Variants in LEO1 observed in about 807,000 individuals in gnomAD.
LEO1 encodes RNA polymerase-associated protein LEO1.
In LEO1, 34 loss-of-function variants were observed where a neutral mutation model predicts 80.4. The ratio of observed to expected loss-of-function variants is 0.42; its 90% confidence interval spans 0.32 to 0.56. The LOEUF is 0.56. LEO1 is among the 20% of genes least tolerant of loss of function. The pLI is 0.10. For synonymous variants in LEO1, 262 were observed against 274.9 expected (o/e 0.95, Z 0.46); for missense variants, 631 against 814.2 (o/e 0.77, Z 2.74).
intron 11 of LEO1, among the ~76,000 whole-genome samples, chr15:51,939,977 C>T (rs1437467111): frequency 4.6e-5 from 7 of 152,138 alleles, no homozygotes; most frequent in South Asian, 4.1e-4. Context: ...AAGGACCGGC[C>T]GGGCGCGATG....
intron 10 of LEO1, 119 bp downstream of exon 10, chr15:51,949,689 G>C (rs1246157219): frequency 3.5e-6 from 3 of 846,822 alleles, no homozygotes; most frequent in South Asian, 1.7e-5. Flanking sequence ...GACAGAGCGA[G>C]ACTCCGTCTC....
rs753047803 is a variant in LEO1 at position 51,938,158 on chromosome 15, AATC to A, written c.1996_1998del (p.Asp666del). 13 of 1,511,018 alleles carry A rather than the reference AATC, an allele frequency of 8.6e-6. No individual in the cohort carries two copies. The highest frequency in any genetic ancestry group is 5.1e-5 in the Admixed American group (3 of 59,026). The allele number at this position is 1,511,018 out of a possible 1,614,324, so 93.6% of individuals were successfully genotyped here. ...AAAATGTTTTCATATTTCATACTTC[AATC>A]ATCATCTTCTTCCTCTTCATCGCTG... is the stretch of plus-strand genomic sequence containing the variant. On this transcript the variant is annotated inframe_deletion, in exon 12 of 12. Transcript: ENST00000299601.
At chr15:51,960,586 C>T (rs983712705) in intron 4 of LEO1, 53 bp downstream of exon 4, 1 of 1,003,332 alleles carries the variant, frequency 1.0e-6, no homozygotes, top group Non-Finnish European at 1.6e-6. Flanking sequence ...GACTCTTCAC[C>T]TTTGAAACTT....
intron 10 of LEO1, among the ~76,000 whole-genome samples, chr15:51,949,445 A>C (rs1249677499): frequency 6.6e-6 from 1 of 152,190 alleles, no homozygotes; most frequent in African/African-American, 2.4e-5. Flanking sequence ...CATGCCTGTA[A>C]TCCCAGTACT....
chr15:51,954,360 C>G (rs2056971941), intron 7 of LEO1, 121 bp downstream of exon 7: 1 of 653,738 alleles, frequency 1.5e-6, no homozygotes, highest in Non-Finnish European at 2.7e-6. Flanking sequence ...CCAACATGGG[C>G]AACAGAGTGA....
At chr15:51,941,071 T>TCAAACAAA (rs1197366480) in intron 11 of LEO1, among the ~76,000 whole-genome samples, 1 of 139,298 alleles carries the variant, frequency 7.2e-6, no homozygotes, top group Non-Finnish European at 1.6e-5. Context: ...AGACTCCATC[T>TCAAACAAA]CAAACAAACA....
chr15:51,971,716 G>T lies in LEO1; in HGVS notation c.30C>A (p.Ser10Arg), dbSNP rs372215852. 9.3e-6 allele frequency: 15 copies of T among 1,613,992 alleles called. No individual in the cohort carries two copies. Among genetic ancestry groups the T allele is most frequent in the Non-Finnish European group, 1.3e-5 (15 of 1,180,028 alleles). Reference sequence around the variant, plus strand: ...TACGCTCAGCTTCGCTGTCGGCGTCGCTCCCGAAGAGATCCTCCATATCCG... The same window carrying T: ...TACGCTCAGCTTCGCTGTCGGCGTCTCTCCCGAAGAGATCCTCCATATCCG... MADMEDLFG[S>R]DADSEAERKD... Residue 10 changes from serine to arginine, a missense_variant, in exon 1 of 12, where the codon AGC becomes AGA. Around this residue, in one of 4 missense-constraint regions of LEO1, gnomAD observed 394 missense variants for 395.6 expected, o/e 1.00. Transcript: ENST00000299601.
At chr15:51,960,834 C>G (rs1040215833) in intron 3 of LEO1, 101 bp from the exon 4 acceptor site, 1 of 697,186 alleles carries the variant, frequency 1.4e-6, no homozygotes, top group Non-Finnish European at 2.5e-6. Flanking sequence ...GGACCAGCAT[C>G]AGAAAACCAC....
chr15:51,970,308 C>A (rs531164279), intron 1 of LEO1, among the ~76,000 whole-genome samples: 1 of 152,256 alleles, frequency 6.6e-6, no homozygotes, highest in African/African-American at 2.4e-5. Context: ...CAGGCACGCA[C>A]GACCACACCT....
In LEO1 at chr15:51,971,707, G is replaced by T; in HGVS notation, c.39C>A (p.Asp13Glu). The T allele has an allele frequency of 1.9e-6, 3 of 1,614,152 alleles. No homozygotes were observed. The highest frequency in any genetic ancestry group is 2.5e-6 in the Non-Finnish European group (3 of 1,180,028). Residue 13 changes from aspartate to glutamate, a missense_variant, in exon 1 of 12, where the codon GAC (aspartate) becomes GAA (glutamate). Around this residue, in one of 4 missense-constraint regions of LEO1, gnomAD observed 394 missense variants for 395.6 expected, o/e 1.00. Coordinates refer to ENST00000299601, the MANE Select transcript of LEO1 (RefSeq NM_138792.4). ...DMEDLFGSDA[D>E]SEAERKDSDS... is the part of the protein sequence containing the mutation. ...ACCCACCTTTACGCTCAGCTTCGCT[G>T]TCGGCGTCGCTCCCGAAGAGATCCT...
At chr15:51,947,975 T>C (rs998854855) in intron 10 of LEO1, among the ~76,000 whole-genome samples, 3 of 152,198 alleles carry the variant, frequency 2.0e-5, no homozygotes, top group African/African-American at 4.8e-5. Context: ...GATACCCTAC[T>C]CTTACGAAGT....
chr15:51,958,712 G>T (rs1566885291), intron 6 of LEO1, 30 bp downstream of exon 6: 1 of 1,400,092 alleles, frequency 7.1e-7, no homozygotes, highest in Non-Finnish European at 9.9e-7. Context: ...CTTTATAAAA[G>T]AAAAAAAAGG....
At chr15:51,964,303 G>C (rs568212390) in intron 2 of LEO1, among the ~76,000 whole-genome samples, 1 of 152,026 alleles carries the variant, frequency 6.6e-6, no homozygotes, top group Non-Finnish European at 1.5e-5. Flanking sequence ...CACAAGGACA[G>C]AAAACCAAAC....
chr15:51,958,609 A>C, intron 6 of LEO1, 133 bp downstream of exon 6: 1 of 626,920 alleles, frequency 1.6e-6, no homozygotes, highest in Non-Finnish European at 2.8e-6. Context: ...TAGTCAACAA[A>C]AGCAATCAAA....
intron 8 of LEO1, 30 bp from the exon 9 acceptor site, chr15:51,952,009 C>T: frequency 6.3e-7 from 1 of 1,587,708 alleles, no homozygotes; most frequent in South Asian, 1.1e-5. Context: ...GAGCATATCA[C>T]TGTTTACCAA....
At chr15:51,970,403 G>A (rs1266500071) in intron 1 of LEO1, among the ~76,000 whole-genome samples, 3 of 152,060 alleles carry the variant, frequency 2.0e-5, no homozygotes, top group Admixed American at 6.6e-5. Flanking sequence ...AGGCAAATCC[G>A]CCTGCCGGAA....
At chr15:51,958,874 T>G (rs1164808095) in intron 5 of LEO1, 48 bp from the exon 6 acceptor site, 2 of 948,316 alleles carry the variant, frequency 2.1e-6, no homozygotes, top group Non-Finnish European at 3.3e-6. Context: ...TTATAAAGAA[T>G]ATTACTGCTA....
intron 11 of LEO1, among the ~76,000 whole-genome samples, chr15:51,940,345 G>C (rs535240680): frequency 6.6e-6 from 1 of 150,690 alleles, no homozygotes; most frequent in African/African-American, 2.4e-5. Flanking sequence ...CAGATCACGA[G>C]GTCAGGAGTT....
rs141404220 is a variant in LEO1 at position 51,940,829 on chromosome 15, G to A, written c.1897-2569C>T. On this transcript the variant is annotated intron_variant, in intron 11 of 11. Coordinates refer to ENST00000299601, the MANE Select transcript of LEO1 (RefSeq NM_138792.4). ...AATAAATAATAAGGCCGTATGTGGT[G>A]GCTCGTGCCTATAATCCTAGCACTT... Among the ~76,000 whole-genome samples, 243 of 152,196 alleles carry A rather than the reference G, an allele frequency of 1.6e-3. 11 individuals carry two copies. The highest frequency in any genetic ancestry group is 9.8e-3 in the East Asian group (51 of 5,184).
Sources: allele counts gnomAD v4.1 joint callset (sites outside exome capture counted in the v4.1 genomes callset), GRCh38; gene constraint gnomAD v4.1.1; regional missense constraint gnomAD v4.1.1; transcripts MANE v1.5; gene names NCBI Gene and HGNC (gene_info 2026-07-23, HGNC 2026-07-21).